THOP1: variants seen among roughly 807,000 people sequenced by gnomAD.
THOP1 encodes thimet oligopeptidase 1, also known as thimet oligopeptidase.
A neutral mutation model predicts 71.8 loss-of-function variants in THOP1; 49 were observed. The observed-to-expected ratio is 0.68, with a 90% CI of 0.54 to 0.87. The LOEUF (loss-of-function observed/expected upper bound fraction) is 0.87, where lower values mean the gene tolerates loss of function less well. Ranked by LOEUF, THOP1 falls within the 40% of genes least tolerant of loss-of-function variation. The pLI is 0.00. For missense variants in THOP1, 843 were observed against 975.6 expected (o/e 0.86, Z 1.81); for synonymous variants, 426 against 421.5 (o/e 1.01, Z -0.13).
intron 12 of THOP1, chr19:2,812,249 G>A (rs1407687446): frequency 5.9e-6 from 9 of 1,534,024 alleles, no homozygotes; most frequent in Non-Finnish European, 7.9e-6. Context: ...TGTGCCTCCC[G>A]CTGACTTGGT....
At position 2,797,478 on chromosome 19, in the gene THOP1, C is replaced by T. The variant is rs572237826; in HGVS notation, c.486+1290C>T. ...CACTTGGGCACTTGCTGTCCTGTGA[C>T]GCTGGGCGCCAGCCACAGCTACCAG... On this transcript the variant is annotated intron_variant, in intron 4 of 12. Coordinates refer to ENST00000307741, the MANE Select transcript of THOP1 (RefSeq NM_003249.5). Among the ~76,000 whole-genome samples, 16 of 152,324 alleles carry T rather than the reference C, an allele frequency of 1.1e-4. No homozygotes were observed. In the South Asian group the frequency reaches 2.7e-3, roughly 26 times the overall value.
intron 1 of THOP1, among the ~76,000 whole-genome samples, chr19:2,787,841 G>C (rs575648464): frequency 6.6e-6 from 1 of 152,288 alleles, no homozygotes. Flanking sequence ...CAGTGCCCAG[G>C]ACAGCTCCAC....
chr19:2,805,874 CGGG>C lies in THOP1; in HGVS notation c.750+702_750+704del. ...GGGGACGGGCGGGTGCCCATCACTG[CGGG>C]GGGACGGGCGGGTGCCCATCACTGC... On this transcript the variant is annotated intron_variant, in intron 6 of 12. Transcript: ENST00000307741. This position sits in a 1 kb window ranked among gnomAD's most constrained non-coding sequence, Gnocchi z 6.6. 8.4e-6 allele frequency: 1 copy of C among 119,276 alleles called. No homozygotes were observed. Among genetic ancestry groups the C allele is most frequent in the Non-Finnish European group, 1.8e-5 (1 of 56,840 alleles). The allele number at this position is 119,276 out of a possible 1,614,324, so 7.4% of individuals were successfully genotyped here.
chr19:2,790,291 A>G lies in THOP1; in HGVS notation c.17-130A>G, dbSNP rs1470961185. On this transcript the variant is annotated intron_variant, in intron 1 of 12. Coordinates refer to ENST00000307741, the MANE Select transcript of THOP1 (RefSeq NM_003249.5). ...AGGACTGGTCAGTCTGTGCTTCCCTACAAGAGCCCTGGACCTCACTCTTCT... is the reference window on the plus strand; with the variant it reads ...AGGACTGGTCAGTCTGTGCTTCCCTGCAAGAGCCCTGGACCTCACTCTTCT... 5 of 842,810 alleles carry G rather than the reference A, an allele frequency of 5.9e-6. No homozygotes were observed. The African/African-American group carries it at 6.9e-5, about 12-fold the overall frequency. The allele number at this position is 842,810 out of a possible 1,614,324, so 52.2% of individuals were successfully genotyped here.
chr19:2,799,475 C>T (rs371104962), intron 4 of THOP1, among the ~76,000 whole-genome samples: 2 of 152,232 alleles, frequency 1.3e-5, no homozygotes, highest in South Asian at 4.1e-4. Flanking sequence ...GATGCCGCAG[C>T]TGGTGTTGAA....
At chr19:2,797,570 G>A (rs1284666191) in intron 4 of THOP1, among the ~76,000 whole-genome samples, 2 of 152,246 alleles carry the variant, frequency 1.3e-5, no homozygotes, top group South Asian at 2.1e-4. Context: ...CCTCATATCC[G>A]ATAGCCTTTG....
chr19:2,808,366 G>T lies in THOP1; in HGVS notation c.1377G>T (p.Ala459=), dbSNP rs577622918. Reference sequence around the variant, plus strand: ...ACTTCACCAAGCCCACAGCCGACGCGCCCTCGCTGCTGCAGCATGACGAGG... The same window carrying T: ...ACTTCACCAAGCCCACAGCCGACGCTCCCTCGCTGCTGCAGCATGACGAGG... ...VANFTKPTAD[A]PSLLQHDEVE... Residue 459 remains alanine (A), a synonymous_variant, in exon 9 of 13, where the codon GCG becomes GCT. Transcript: ENST00000307741. The T allele has an allele frequency of 6.2e-7, 1 of 1,610,684 alleles. No homozygotes were observed. Among genetic ancestry groups the T allele is most frequent in the African/African-American group, 1.3e-5 (1 of 75,022 alleles).
Position 2,804,988 on chromosome 19 carries a change from C to A in THOP1, c.590-28C>A. 1.2e-6 allele frequency: 2 copies of A among 1,601,024 alleles called. No homozygotes were observed. Among genetic ancestry groups the A allele is most frequent in the South Asian group, 1.1e-5 (1 of 89,162 alleles). On this transcript the variant is annotated intron_variant, in intron 5 of 12. Transcript: ENST00000307741. This position sits in a 1 kb window ranked among gnomAD's most constrained non-coding sequence, Gnocchi z 4.7. Reference sequence around the variant, plus strand: ...CAGGCTGTGGGCCCATCAGTCCTGTCAAAGCCACCCTGGTTCTGTCCCCAT... The same window carrying A: ...CAGGCTGTGGGCCCATCAGTCCTGTAAAAGCCACCCTGGTTCTGTCCCCAT...
intron 2 of THOP1, among the ~76,000 whole-genome samples, chr19:2,793,373 G>A (rs918303351): frequency 6.6e-6 from 1 of 152,046 alleles, no homozygotes; most frequent in Non-Finnish European, 1.5e-5. Flanking sequence ...TCTGTGGATG[G>A]GCCTGTCCTG....
chr19:2,794,041 G>A (rs1915950553), intron 2 of THOP1, among the ~76,000 whole-genome samples: 2 of 149,624 alleles, frequency 1.3e-5, no homozygotes, highest in Admixed American at 6.7e-5. Context: ...TTGAGATGGA[G>A]CCTCACTCTG....
In THOP1 at chr19:2,805,464, G is replaced by A. The variant is rs1381528077; in HGVS notation, c.750+288G>A. On this transcript the variant is annotated intron_variant, in intron 6 of 12. Coordinates refer to ENST00000307741, the MANE Select transcript of THOP1 (RefSeq NM_003249.5). This position sits in a 1 kb window ranked among gnomAD's most constrained non-coding sequence, Gnocchi z 6.6. ...GAGCATCTGGCCGCGCACACGTCTC[G>A]TCCCTCCCTTATCTGGAGCCGCCCC... Among the ~76,000 whole-genome samples the A allele has an allele frequency of 4.6e-5, 7 of 152,172 alleles. No homozygotes were observed. Among genetic ancestry groups the A allele is most frequent in the African/African-American group, 1.4e-4 (6 of 41,420 alleles).
In THOP1 at chr19:2,810,750, G is replaced by C. The variant is rs757711768; in HGVS notation, c.1753G>C (p.Gly585Arg). 1 of 1,602,030 alleles carries C rather than the reference G, an allele frequency of 6.2e-7. No homozygotes were observed. The highest frequency in any genetic ancestry group is 1.3e-5 in the African/African-American group (1 of 74,944). ...EYARLCQEILGVPATPGTNMP... is the reference protein window; with the variant it reads ...EYARLCQEILRVPATPGTNMP... ...TGCGCGGCTCTGCCAGGAGATCCTCGGGGTCCCGGCCACGCCAGGTAGCCA... is the reference window on the plus strand; with the variant it reads ...TGCGCGGCTCTGCCAGGAGATCCTCCGGGTCCCGGCCACGCCAGGTAGCCA... Residue 585 changes from glycine to arginine, a missense_variant, in exon 11 of 13, where the codon GGG becomes CGG. Gly to Arg is a moderately radical substitution (Grantham distance 125). Coordinates refer to ENST00000307741, the MANE Select transcript of THOP1 (RefSeq NM_003249.5).
chr19:2,815,322 G>T lies in THOP1; in HGVS notation c.*2046G>T, dbSNP rs1449984330. On this transcript the variant is annotated 3_prime_UTR_variant, in exon 13 of 13. Transcript: ENST00000307741. Reference sequence around the variant, plus strand: ...TGGGGTCACAGCCTTGGGCTGCTGGGCCGTGGGCGGATGGCCTGGACCATC... The same window carrying T: ...TGGGGTCACAGCCTTGGGCTGCTGGTCCGTGGGCGGATGGCCTGGACCATC... 1 of 152,336 alleles carries T rather than the reference G, an allele frequency of 6.6e-6. No homozygotes were observed. The highest frequency in any genetic ancestry group is 1.5e-5 in the Non-Finnish European group (1 of 68,124). 9.4% of individuals were successfully genotyped at this position (152,336 alleles called of 1,614,324 possible).
At chr19:2,800,156 C>A (rs1916113039) in intron 5 of THOP1, among the ~76,000 whole-genome samples, 2 of 152,226 alleles carry the variant, frequency 1.3e-5, no homozygotes, top group African/African-American at 4.8e-5. Context: ...GACCCCACTT[C>A]CTGCCTGCCT....
Position 2,785,667 on chromosome 19 carries a change from A to G in THOP1, c.5A>G (p.Lys2Arg), listed in dbSNP as rs1444492308. The G allele has an allele frequency of 6.7e-7, 1 of 1,500,190 alleles. No individual in the cohort carries two copies. The highest frequency in any genetic ancestry group is 8.9e-7 in the Non-Finnish European group (1 of 1,122,380). 92.9% of individuals were successfully genotyped at this position (1,500,190 alleles called of 1,614,324 possible). Residue 2 changes from lysine (K) to arginine (R), a missense_variant, in exon 1 of 13, where the codon AAG (lysine) becomes AGG (arginine). Physicochemically the swap from Lys to Arg is conservative, Grantham distance 26. Transcript: ENST00000307741. ...GCAGGCGCAGACCCACCCGCCATGA[A>G]GCCCCCCGCAGGTACCGACTACCCC... is the stretch of plus-strand genomic sequence containing the variant. M[K>R]PPAACAGDMA...
intron 2 of THOP1, among the ~76,000 whole-genome samples, chr19:2,794,006 TTTTTTTTTTC>T (rs368100274): frequency 0.033 from 5,014 of 151,118 alleles, 158 homozygotes; most frequent in South Asian, 0.14. Flanking sequence ...TTTAAAGCTT[TTTTTTTTTTC>T]TTTTTTTTTC....
rs532534563 is a variant in THOP1, at chr19:2,807,539, C to T, written c.984C>T (p.Phe328=). 44 of 1,612,112 alleles carry T rather than the reference C, an allele frequency of 2.7e-5. 1 individual carries two copies. The South Asian group carries it at 3.5e-4, about 13-fold the overall frequency. The stretch of plus-strand genomic sequence containing the variant: ...AGTGCGAGCGCCGGGGCCTGCCCTT[C>T]GACGGCCGCATCCGTGCCTGGGACA... The part of the protein sequence containing the change: ...RAECERRGLP[F]DGRIRAWDMR... The change falls in exon 8 of 13, where the codon TTC becomes TTT. Residue 328 remains phenylalanine, a synonymous_variant. Transcript: ENST00000307741.
intron 3 of THOP1, among the ~76,000 whole-genome samples, chr19:2,795,429 C>A (rs926274738): frequency 6.6e-6 from 1 of 152,208 alleles, no homozygotes; most frequent in African/African-American, 2.4e-5. Flanking sequence ...GTCACATGAT[C>A]AGGAGAGACC....
chr19:2,812,009 C>G (rs191158148), intron 12 of THOP1: 2 of 1,019,496 alleles, frequency 2.0e-6, no homozygotes, highest in Admixed American at 3.1e-5. Flanking sequence ...GCCCACAGCT[C>G]CTCCCTGGGC....
Sources: allele counts gnomAD v4.1 joint callset (sites outside exome capture counted in the v4.1 genomes callset), GRCh38; gene constraint gnomAD v4.1.1; non-coding constraint Gnocchi (gnomAD v3.1); transcripts MANE v1.5; gene names NCBI Gene and HGNC (gene_info 2026-07-23, HGNC 2026-07-21).